The following LRP6 variants were observed in gnomAD, a reference collection of about 807,000 sequenced individuals.
The protein encoded by LRP6 is low-density lipoprotein receptor-related protein 6.
Under a neutral mutation model 184.1 loss-of-function variants are expected in LRP6, and 43 were observed. The observed-to-expected ratio is 0.23, with a 90% CI of 0.18 to 0.30. The LOEUF is 0.30. Ranked by LOEUF, LRP6 falls within the 10% of genes least tolerant of loss-of-function variation. LRP6 has a pLI of 1.00. For missense variants in LRP6, 1,571 were observed against 2,005.3 expected (o/e 0.78, Z 4.14); for synonymous variants, 719 against 684.9 (o/e 1.05, Z -0.78).
At chr12:12,213,755 C>G (rs574721600) in intron 2 of LRP6, among the ~76,000 whole-genome samples, 40 of 152,046 alleles carry the variant, frequency 2.6e-4, no homozygotes, top group Non-Finnish European at 4.7e-4. Flanking sequence ...ATTCCCACTC[C>G]TTTTATCACG....
At chr12:12,184,517 G>A (rs1217995295) in intron 4 of LRP6, among the ~76,000 whole-genome samples, 1 of 152,182 alleles carries the variant, frequency 6.6e-6, no homozygotes, top group Non-Finnish European at 1.5e-5. Context: ...GCTTTGTGGA[G>A]TATACAGCAC....
intron 1 of LRP6, among the ~76,000 whole-genome samples, chr12:12,259,331 A>T (rs1239308099): frequency 6.6e-6 from 1 of 151,756 alleles, no homozygotes; most frequent in Non-Finnish European, 1.5e-5. Flanking sequence ...CAATAACTTT[A>T]GGCCTGGTGT....
At chr12:12,257,991 A>G (rs534470087) in intron 1 of LRP6, among the ~76,000 whole-genome samples, 53 of 151,608 alleles carry the variant, frequency 3.5e-4, no homozygotes, top group African/African-American at 1.2e-3. Context: ...AAAACTAATT[A>G]TATCAGTGCA....
chr12:12,245,255 T>C (rs1865156794), intron 1 of LRP6, among the ~76,000 whole-genome samples: 1 of 152,148 alleles, frequency 6.6e-6, no homozygotes, highest in Admixed American at 6.5e-5. Flanking sequence ...CAGAAAATAA[T>C]GAACCCTTTG....
chr12:12,238,681 G>A (rs1864983082), intron 2 of LRP6, among the ~76,000 whole-genome samples: 1 of 151,950 alleles, frequency 6.6e-6, no homozygotes, highest in Non-Finnish European at 1.5e-5. Context: ...TCAAGAATGA[G>A]GGCAAAATAA....
At chr12:12,183,011 T>C (rs1326132295) in intron 5 of LRP6, among the ~76,000 whole-genome samples, 1 of 152,232 alleles carries the variant, frequency 6.6e-6, no homozygotes, top group East Asian at 1.9e-4. Context: ...AAACCTTTTG[T>C]TTTAAATTGA....
At chr12:12,224,537 T>C (rs1864566058) in intron 2 of LRP6, among the ~76,000 whole-genome samples, 2 of 152,204 alleles carry the variant, frequency 1.3e-5, no homozygotes, top group African/African-American at 2.4e-5. Flanking sequence ...TTTATTTATA[T>C]AGAAAACAGA....
At chr12:12,223,239 G>GTGAT (rs1864536719) in intron 2 of LRP6, among the ~76,000 whole-genome samples, 3 of 147,790 alleles carry the variant, frequency 2.0e-5, no homozygotes, top group Admixed American at 1.4e-4. Context: ...TTAGATGCAT[G>GTGAT]TGATGGTCAT....
Position 12,244,367 on chromosome 12 carries a change from T to G in LRP6, c.344A>C (p.Glu115Ala). Residue 115 changes from glutamate (E) to alanine (A), a missense_variant, in exon 2 of 23, where the codon GAA becomes GCA. By Grantham distance (107) the Glu-to-Ala change is moderately radical. Transcript: ENST00000261349. ...ATTAGAAACTTCAATCCGATTAGTT[T>G]CAGAATCTGTCCAGTACAATTTTTC... ...LGEKLYWTDS[E>A]TNRIEVSNLD... is the part of the protein sequence containing the mutation. 6.2e-7 allele frequency: 1 copy of G among 1,614,226 alleles called. No individual in the cohort carries two copies. Among genetic ancestry groups the G allele is most frequent in the Non-Finnish European group, 8.5e-7 (1 of 1,180,032 alleles).
rs1032853502 is a variant in LRP6 at position 12,145,055 on chromosome 12, A to C, written c.3397+2311T>G. On this transcript the variant is annotated intron_variant, in intron 15 of 22. Coordinates refer to ENST00000261349, the MANE Select transcript of LRP6 (RefSeq NM_002336.3). Reference sequence around the variant, plus strand: ...TGTGCACATGTATCCTAAAACTTATAATTAAAAAAAAAACTGCAATTACTT... The same window carrying C: ...TGTGCACATGTATCCTAAAACTTATCATTAAAAAAAAAACTGCAATTACTT... 1.6e-3 allele frequency among the ~76,000 whole-genome samples: 249 copies of C among 152,250 alleles called. 1 individual carries two copies. The highest frequency in any genetic ancestry group is 5.6e-3 in the African/African-American group (233 of 41,524).
chr12:12,179,405 G>GAT (rs1555112374), intron 7 of LRP6, among the ~76,000 whole-genome samples: 74 of 140,980 alleles, frequency 5.2e-4, no homozygotes, highest in African/African-American at 1.7e-3. Context: ...TATAGATATA[G>GAT]ATATAGATAT....
At chr12:12,176,039 A>C (rs75837283) in intron 7 of LRP6, among the ~76,000 whole-genome samples, 1 of 143,632 alleles carries the variant, frequency 7.0e-6, no homozygotes, top group African/African-American at 2.6e-5. Flanking sequence ...AAAAAAAAAA[A>C]GGAATGCTGT....
chr12:12,116,959 A>C lies in LRP6; in HGVS notation c.*4167T>G, dbSNP rs1258001203. 1 of 152,132 alleles carries C rather than the reference A, an allele frequency of 6.6e-6. No homozygotes were observed. Among genetic ancestry groups the C allele is most frequent in the East Asian group, 1.9e-4 (1 of 5,194 alleles). The allele number at this position is 152,132 out of a possible 1,614,324, so 9.4% of individuals were successfully genotyped here. A position where few individuals can be genotyped will look rare whatever the true frequency, so the allele number is the denominator to read the frequency against. On this transcript the variant is annotated 3_prime_UTR_variant, in exon 23 of 23. Coordinates refer to ENST00000261349, the MANE Select transcript of LRP6 (RefSeq NM_002336.3). ...GTGAATTCACAATACTTATAATTTA[A>C]ATTTTAAAAAAATTATAAACGTATA... is the stretch of plus-strand genomic sequence containing the variant.
chr12:12,160,021 A>G (rs2136940246), intron 10 of LRP6, 57 bp from the exon 11 acceptor site: 3 of 1,265,048 alleles, frequency 2.4e-6, no homozygotes, highest in East Asian at 5.1e-5. Flanking sequence ...TGGGGGAAAG[A>G]GTCATATTCA....
At chr12:12,222,941 A>G (rs1287206800) in intron 2 of LRP6, among the ~76,000 whole-genome samples, 2 of 152,108 alleles carry the variant, frequency 1.3e-5, no homozygotes, top group Non-Finnish European at 2.9e-5. Context: ...TCACTCCTAG[A>G]CCAATTCAGA....
chr12:12,261,288 C>T (rs1397570627), intron 1 of LRP6, among the ~76,000 whole-genome samples: 1 of 151,408 alleles, frequency 6.6e-6, no homozygotes, highest in Non-Finnish European at 1.5e-5. Context: ...GGCGTGGTGG[C>T]GGGCGCCTAT....
chr12:12,195,959 A>G (rs746871264), intron 3 of LRP6, among the ~76,000 whole-genome samples: 5 of 152,010 alleles, frequency 3.3e-5, no homozygotes, highest in African/African-American at 4.8e-5. Context: ...CCTTTCCCCA[A>G]TCTATGTTCT....
chr12:12,219,715 T>C (rs1864437807), intron 2 of LRP6, among the ~76,000 whole-genome samples: 1 of 152,220 alleles, frequency 6.6e-6, no homozygotes, highest in Non-Finnish European at 1.5e-5. Context: ...GTTTGGAGAA[T>C]TCTTCACTTT....
intron 3 of LRP6, among the ~76,000 whole-genome samples, chr12:12,188,072 C>A (rs1388755578): frequency 1.3e-5 from 2 of 151,772 alleles, no homozygotes; most frequent in African/African-American, 2.4e-5. Flanking sequence ...ATTAGCCAGG[C>A]GTGGTGGTGG....
Sources: allele counts gnomAD v4.1 joint callset (sites outside exome capture counted in the v4.1 genomes callset), GRCh38; gene constraint gnomAD v4.1.1; transcripts MANE v1.5; gene names NCBI Gene and HGNC (gene_info 2026-07-23, HGNC 2026-07-21).